The following PRKN variants were observed in gnomAD, a reference collection of about 807,000 sequenced individuals.
PRKN encodes E3 ubiquitin-protein ligase parkin.
A neutral mutation model predicts 59.5 loss-of-function variants in PRKN; 56 were observed. That is an observed-to-expected ratio of 0.94 (90% confidence interval 0.76 to 1.18). PRKN has a LOEUF of 1.18. PRKN is among the 50% of genes most tolerant of loss of function. The pLI is 0.00. For synonymous variants in PRKN, 250 were observed against 222.1 expected, an observed-to-expected ratio of 1.13 and a Z score of -1.12; for missense variants, 657 against 596.4, an observed-to-expected ratio of 1.10 and a Z score of -1.06.
intron 6 of PRKN, among the ~76,000 whole-genome samples, chr6:161,795,835 A>C (rs1484766294): frequency 6.6e-6 from 1 of 152,192 alleles, no homozygotes; most frequent in Admixed American, 6.5e-5. Flanking sequence ...AAGAAACTAT[A>C]GGGAAGTGGG....
At chr6:162,074,802 G>A (rs532213812) in intron 4 of PRKN, among the ~76,000 whole-genome samples, 2 of 152,188 alleles carry the variant, frequency 1.3e-5, no homozygotes, top group East Asian at 1.9e-4. Context: ...TGCCAACAAC[G>A]CGTTTCCCCC....
At chr6:161,517,211 G>C (rs1159653194) in intron 9 of PRKN, among the ~76,000 whole-genome samples, 1 of 152,182 alleles carries the variant, frequency 6.6e-6, no homozygotes, top group Non-Finnish European at 1.5e-5. Flanking sequence ...ACAAGTGTGA[G>C]TTTGTTTGGC....
At chr6:162,235,040 A>G (rs1778587602) in intron 3 of PRKN, among the ~76,000 whole-genome samples, 1 of 152,210 alleles carries the variant, frequency 6.6e-6, no homozygotes, top group African/African-American at 2.4e-5. Context: ...ATATAACTTT[A>G]TGAAAAAAAT....
intron 2 of PRKN, among the ~76,000 whole-genome samples, chr6:162,356,956 C>G (rs1264307813): frequency 6.6e-6 from 1 of 151,968 alleles, no homozygotes; most frequent in African/African-American, 2.4e-5. Flanking sequence ...CAGTTTACAT[C>G]CTTAACAAAA....
At chr6:162,635,602 ATAT>A (rs1352392281) in intron 1 of PRKN, among the ~76,000 whole-genome samples, 1 of 127,672 alleles carries the variant, frequency 7.8e-6, no homozygotes, top group Non-Finnish European at 1.7e-5. Flanking sequence ...TATTATAATA[ATAT>A]TATTAATTTT....
intron 10 of PRKN, among the ~76,000 whole-genome samples, chr6:161,382,650 C>T (rs186282480): frequency 2.0e-5 from 3 of 152,246 alleles, no homozygotes; most frequent in African/African-American, 4.8e-5. Flanking sequence ...GGAAAGCAAA[C>T]GGGACTGGAC....
At chr6:161,775,168 T>A (rs1583145982) in intron 7 of PRKN, among the ~76,000 whole-genome samples, 1 of 152,336 alleles carries the variant, frequency 6.6e-6, no homozygotes, top group East Asian at 1.9e-4. Flanking sequence ...CAAATTGCTT[T>A]ATGGAAATAT....
chr6:161,866,907 G>A (rs1372491199), intron 6 of PRKN, among the ~76,000 whole-genome samples: 1 of 152,176 alleles, frequency 6.6e-6, no homozygotes, highest in Non-Finnish European at 1.5e-5. Context: ...GGCTCTGGCT[G>A]AAGAGGATGG....
intron 1 of PRKN, among the ~76,000 whole-genome samples, chr6:162,512,561 T>C (rs1777674348): frequency 6.6e-6 from 1 of 152,198 alleles, no homozygotes; most frequent in African/African-American, 2.4e-5. Context: ...GCAGTTATTG[T>C]TATACCTAGT....
chr6:161,854,198 T>C (rs2128223091), intron 6 of PRKN, among the ~76,000 whole-genome samples: 1 of 151,592 alleles, frequency 6.6e-6, no homozygotes, highest in Admixed American at 6.6e-5. Context: ...GAAGTTGCAG[T>C]GAGCCGAGAT....
At chr6:162,126,172 T>TA (rs1220001089) in intron 4 of PRKN, among the ~76,000 whole-genome samples, 2 of 152,168 alleles carry the variant, frequency 1.3e-5, no homozygotes, top group Non-Finnish European at 2.9e-5. Flanking sequence ...GGCTGTGCTA[T>TA]ATGCATGCTT....
At chr6:161,511,653 T>C (rs994339131) in intron 9 of PRKN, among the ~76,000 whole-genome samples, 11 of 152,118 alleles carry the variant, frequency 7.2e-5, no homozygotes, top group African/African-American at 2.7e-4. Flanking sequence ...CCAGCCCTCA[T>C]GACATGAGCA....
chr6:162,573,470 T>C (rs1780434502), intron 1 of PRKN, among the ~76,000 whole-genome samples: 1 of 152,206 alleles, frequency 6.6e-6, no homozygotes, highest in Admixed American at 6.5e-5. Flanking sequence ...AACCTCCTCG[T>C]TGTGACAACG....
chr6:162,540,871 A>G (rs1778902074), intron 1 of PRKN, among the ~76,000 whole-genome samples: 1 of 152,110 alleles, frequency 6.6e-6, no homozygotes. Flanking sequence ...ATATCTGTCC[A>G]AGTATCTGTC....
At chr6:162,719,207 G>C in intron 1 of PRKN, among the ~76,000 whole-genome samples, 1 of 152,090 alleles carries the variant, frequency 6.6e-6, no homozygotes, top group East Asian at 1.9e-4. Context: ...ATGTAAAAAC[G>C]TCTTTATATA....
rs1162288308 is a variant in PRKN at position 161,518,298 on chromosome 6, G to T, written c.1083+30556C>A. ...GACAGCTCAGCCCTGCTTTCCAGAA[G>T]ATGAGAGGACTTCACAAAGCTGCCC... On this transcript the variant is annotated intron_variant, in intron 9 of 11. Coordinates refer to ENST00000366898, the MANE Select transcript of PRKN (RefSeq NM_004562.3). The surrounding 1 kb of genome is among the most constrained non-coding windows in gnomAD (Gnocchi z 5.0). Among the ~76,000 whole-genome samples the T allele has an allele frequency of 6.6e-6, 1 of 152,230 alleles. No individual in the cohort carries two copies. Among genetic ancestry groups the T allele is most frequent in the Non-Finnish European group, 1.5e-5 (1 of 68,046 alleles).
At chr6:161,840,348 A>G (rs1792932912) in intron 6 of PRKN, among the ~76,000 whole-genome samples, 1 of 152,206 alleles carries the variant, frequency 6.6e-6, no homozygotes, top group Non-Finnish European at 1.5e-5. Flanking sequence ...AAGTGCATCT[A>G]CCTGGTTAGG....
chr6:161,790,002 C>T (rs1369050345), intron 6 of PRKN, among the ~76,000 whole-genome samples: 1 of 152,116 alleles, frequency 6.6e-6, no homozygotes, highest in Non-Finnish European at 1.5e-5. Flanking sequence ...TGGATAAATA[C>T]CTTATAGTTA....
At chr6:162,219,325 G>A (rs1482595335) in intron 3 of PRKN, among the ~76,000 whole-genome samples, 1 of 152,018 alleles carries the variant, frequency 6.6e-6, no homozygotes, top group African/African-American at 2.4e-5. Flanking sequence ...TACTGCATAG[G>A]TGACTCCCTG....
Sources: gnomAD v4.1 joint callset for allele counts (sites outside exome capture counted in the v4.1 genomes callset) on GRCh38, gnomAD v4.1.1 for gene constraint, Gnocchi (gnomAD v3.1) non-coding constraint, MANE v1.5 for transcripts, NCBI Gene and HGNC (gene_info 2026-07-23, HGNC 2026-07-21) for gene names.